Variants in RALGPS1 observed in about 807,000 individuals in gnomAD.
The protein encoded by RALGPS1 is Ral GEF with PH domain and SH3 binding motif 1, also known as ras-specific guanine nucleotide-releasing factor RalGPS1.
Under a neutral mutation model 78.8 loss-of-function variants are expected in RALGPS1, and 19 were observed. That is an observed-to-expected ratio of 0.24 (90% CI 0.17 to 0.35). RALGPS1 has a LOEUF of 0.35. RALGPS1 is among the 10% of genes least tolerant of loss of function. The probability of loss-of-function intolerance (pLI) is 1.00; values close to 1 mark genes in which losing one functional copy is unlikely to be tolerated. For missense variants in RALGPS1, 454 were observed against 688.3 expected, an observed-to-expected ratio of 0.66 and a Z score of 3.81; for synonymous variants, 228 against 256.3, an observed-to-expected ratio of 0.89 and a Z score of 1.06.
chr9:127,108,604 C>T (rs1050825454), intron 8 of RALGPS1: 13 of 1,613,600 alleles, frequency 8.1e-6, no homozygotes, highest in Non-Finnish European at 1.1e-5. Flanking sequence ...CCGCTTGTAC[C>T]TGTTTAGGTA....
At position 127,222,750 on chromosome 9, in the gene RALGPS1, C is replaced by T. The variant is rs1282716358; in HGVS notation, c.*3981C>T. 3.3e-5 allele frequency: 5 copies of T among 152,764 alleles called. No homozygotes were observed. The highest frequency in any genetic ancestry group is 5.9e-5 in the Non-Finnish European group (4 of 68,030). 9.5% of individuals were successfully genotyped at this position (152,764 alleles called of 1,614,324 possible). ...GTATGGTATAATCTTTAATAAATTT[C>T]GTGCCAAAATGCATGGTTTTCCACT... On this transcript the variant is annotated 3_prime_UTR_variant, in exon 19 of 19. Coordinates refer to ENST00000259351, the MANE Select transcript of RALGPS1 (RefSeq NM_014636.3).
chr9:127,004,897 A>G (rs1427652069), intron 4 of RALGPS1, among the ~76,000 whole-genome samples: 1 of 152,182 alleles, frequency 6.6e-6, no homozygotes, highest in Non-Finnish European at 1.5e-5. Context: ...AAGTCTGGAA[A>G]TTTTTGAAAA....
At chr9:127,009,071 C>T (rs1265672986) in intron 4 of RALGPS1, among the ~76,000 whole-genome samples, 3 of 152,222 alleles carry the variant, frequency 2.0e-5, no homozygotes, top group Non-Finnish European at 4.4e-5. Context: ...CACTGCACCA[C>T]AGTGATGTGG....
intron 8 of RALGPS1, among the ~76,000 whole-genome samples, chr9:127,143,832 A>G (rs1014929429): frequency 1.3e-5 from 2 of 152,232 alleles, no homozygotes; most frequent in East Asian, 3.8e-4. Flanking sequence ...GTGCTCCGTA[A>G]TTACCAAGAC....
intron 7 of RALGPS1, among the ~76,000 whole-genome samples, chr9:127,068,144 C>T (rs934618493): frequency 6.6e-6 from 1 of 152,234 alleles, no homozygotes; most frequent in Non-Finnish European, 1.5e-5. Context: ...ATTTGCTTAA[C>T]TAAGTTGCCC....
At chr9:127,081,313 A>G (rs942895279) in intron 8 of RALGPS1, among the ~76,000 whole-genome samples, 3 of 152,214 alleles carry the variant, frequency 2.0e-5, no homozygotes, top group Admixed American at 6.5e-5. Context: ...CTCCTACCCA[A>G]CTGATCAGCC....
rs528755747 is a variant in RALGPS1 at position 127,205,590 on chromosome 9, C to A, written c.1247+6524C>A. ...TGCCCACAGCTTCTCTGTCCAATAT[C>A]TACAATTCCTCCAGAGTCAGCACCT... On this transcript the variant is annotated intron_variant, in intron 14 of 18. Transcript: ENST00000259351. This position sits in a 1 kb window ranked among gnomAD's most constrained non-coding sequence, Gnocchi z 4.0. 6.6e-6 allele frequency among the ~76,000 whole-genome samples: 1 copy of A among 152,354 alleles called. No homozygotes were observed. The highest frequency in any genetic ancestry group is 6.5e-5 in the Admixed American group (1 of 15,312).
chr9:127,196,709 C>G, intron 13 of RALGPS1, 78 bp downstream of exon 13: 1 of 1,456,088 alleles, frequency 6.9e-7, no homozygotes, highest in South Asian at 1.4e-5. Context: ...CTCTGTGTCA[C>G]TGTGCCATGC....
At chr9:127,060,127 T>A (rs552480906) in intron 7 of RALGPS1, among the ~76,000 whole-genome samples, 1 of 152,230 alleles carries the variant, frequency 6.6e-6, no homozygotes, top group African/African-American at 2.4e-5. Flanking sequence ...AGAGTCCGGC[T>A]GCCCACACAT....
intron 3 of RALGPS1, among the ~76,000 whole-genome samples, chr9:126,975,077 A>G (rs999078721): frequency 1.3e-5 from 2 of 152,152 alleles, no homozygotes; most frequent in African/African-American, 4.8e-5. Context: ...ATGGCATGAA[A>G]TCGATAATCT....
At chr9:126,994,149 C>T (rs1387699233) in intron 4 of RALGPS1, among the ~76,000 whole-genome samples, 5 of 152,186 alleles carry the variant, frequency 3.3e-5, no homozygotes, top group African/African-American at 7.2e-5. Context: ...GAACACAGCT[C>T]CTCACCAGCA....
chr9:127,154,739 G>A (rs2058617659), intron 8 of RALGPS1, among the ~76,000 whole-genome samples: 1 of 152,174 alleles, frequency 6.6e-6, no homozygotes, highest in Non-Finnish European at 1.5e-5. Flanking sequence ...TTAAAGACTA[G>A]GTACAGTGTG....
At chr9:127,027,718 C>T (rs573014373) in intron 4 of RALGPS1, among the ~76,000 whole-genome samples, 1 of 152,320 alleles carries the variant, frequency 6.6e-6, no homozygotes, top group African/African-American at 2.4e-5. Flanking sequence ...AACCAAGAAG[C>T]TTCTTTGCTT....
chr9:127,040,221 C>G (rs1161792598), intron 5 of RALGPS1, among the ~76,000 whole-genome samples: 1 of 151,984 alleles, frequency 6.6e-6, no homozygotes. Flanking sequence ...GCCTACATGG[C>G]AAAATCCCAT....
intron 1 of RALGPS1, among the ~76,000 whole-genome samples, 198 bp downstream of exon 1, chr9:126,915,173 C>T (rs1270381397): frequency 7.4e-6 from 1 of 134,418 alleles, no homozygotes; most frequent in African/African-American, 2.8e-5. Flanking sequence ...GGGTGCCCGG[C>T]GCCGGGGCCT....
chr9:127,134,006 T>TC (rs111468329), intron 8 of RALGPS1, among the ~76,000 whole-genome samples: 51,758 of 145,352 alleles, frequency 0.36, 10,333 homozygotes, highest in Non-Finnish European at 0.44. Flanking sequence ...TTGTCCTCGC[T>TC]CCCCCCCCCG....
At chr9:126,959,251 G>A (rs1451921620) in intron 1 of RALGPS1, among the ~76,000 whole-genome samples, 1 of 152,008 alleles carries the variant, frequency 6.6e-6, no homozygotes, top group Non-Finnish European at 1.5e-5. Flanking sequence ...TAATAGAGAT[G>A]GGGTTTCATC....
chr9:126,949,440 G>A (rs1032208368), intron 1 of RALGPS1, among the ~76,000 whole-genome samples: 1 of 152,170 alleles, frequency 6.6e-6, no homozygotes, highest in African/African-American at 2.4e-5. Flanking sequence ...CAGCGTCAAA[G>A]TGTTCCTGTT....
chr9:127,056,780 A>G (rs1028040257), intron 7 of RALGPS1, among the ~76,000 whole-genome samples: 1 of 152,156 alleles, frequency 6.6e-6, no homozygotes, highest in Non-Finnish European at 1.5e-5. Context: ...CAGCCACTAT[A>G]CATTTGTTGT....
Sources: gnomAD v4.1 joint callset for allele counts (sites outside exome capture counted in the v4.1 genomes callset) on GRCh38, gnomAD v4.1.1 for gene constraint, Gnocchi (gnomAD v3.1) non-coding constraint, MANE v1.5 for transcripts, NCBI Gene and HGNC (gene_info 2026-07-23, HGNC 2026-07-21) for gene names.